MRPL15: variants seen among roughly 807,000 people sequenced by gnomAD.
MRPL15 encodes the protein large ribosomal subunit protein uL15m.
In MRPL15, 24 loss-of-function variants were observed where a neutral mutation model predicts 28.0. The observed-to-expected ratio is 0.86, with a 90% CI of 0.62 to 1.21. The LOEUF is 1.21. Ranked by LOEUF, MRPL15 falls within the 50% of genes most tolerant of loss-of-function variation. MRPL15 has a pLI of 0.00. For missense variants in MRPL15, 343 were observed against 372.4 expected (o/e 0.92, Z 0.65); for synonymous variants, 124 against 137.0 (o/e 0.90, Z 0.66).
Position 54,148,120 on chromosome 8 carries a change from C to G in MRPL15, c.*401C>G, listed in dbSNP as rs1037128868. 3.3e-5 allele frequency among the ~76,000 whole-genome samples: 5 copies of G among 152,114 alleles called. No individual in the cohort carries two copies. Among genetic ancestry groups the G allele is most frequent in the African/African-American group, 1.2e-4 (5 of 41,422 alleles). On this transcript the variant is annotated 3_prime_UTR_variant, in exon 5 of 5. Coordinates refer to ENST00000260102, the MANE Select transcript of MRPL15 (RefSeq NM_014175.4). ...AGAGCAGATGGAATGAGTTGGTGAC[C>G]CCTCTTAATCTGTAGCCTCAGGGAA...
Position 54,147,382 on chromosome 8 carries a change from A to G in MRPL15, c.554A>G (p.Asp185Gly). The G allele has an allele frequency of 1.3e-6, 2 of 1,592,542 alleles. No individual in the cohort carries two copies. Among genetic ancestry groups the G allele is most frequent in the Non-Finnish European group, 1.7e-6 (2 of 1,169,836 alleles). Reference protein sequence around the residue: ...TTAFYDPRSLDIVCKPVPFFL... With the variant: ...TTAFYDPRSLGIVCKPVPFFL... ...TTTTTAAATTTAAATTTTCTTTTAG[A>G]CATTGTATGCAAACCTGTTCCATTC... Residue 185 changes from aspartate to glycine, a missense_variant and splice_region_variant, in exon 5 of 5, where the codon GAC (aspartate) becomes GGC (glycine). By Grantham distance (94) the Asp-to-Gly change is moderately conservative. Coordinates refer to ENST00000260102, the MANE Select transcript of MRPL15 (RefSeq NM_014175.4).
chr8:54,145,543 C>T (rs1811029286), intron 4 of MRPL15, among the ~76,000 whole-genome samples: 1 of 151,810 alleles, frequency 6.6e-6, no homozygotes, highest in Non-Finnish European at 1.5e-5. Context: ...AGTGCAGTTC[C>T]ACTCACTGCA....
At chr8:54,138,104 G>A (rs1017780185) in intron 3 of MRPL15, among the ~76,000 whole-genome samples, 13 of 151,598 alleles carry the variant, frequency 8.6e-5, no homozygotes, top group East Asian at 3.9e-4. Flanking sequence ...ATAGTCGTGC[G>A]CCACCACACC....
intron 2 of MRPL15, 152 bp downstream of exon 2, chr8:54,136,817 T>A (rs1810834950): frequency 2.0e-6 from 2 of 986,488 alleles, no homozygotes; most frequent in East Asian, 5.3e-5. Context: ...GGTAATGAAA[T>A]CTTGCCTGGA....
At chr8:54,137,899 G>A (rs905452976) in intron 3 of MRPL15, among the ~76,000 whole-genome samples, 4 of 152,072 alleles carry the variant, frequency 2.6e-5, no homozygotes, top group African/African-American at 9.7e-5. Context: ...GCAGGGCTCT[G>A]TCCCTTGGTC....
intron 4 of MRPL15, 97 bp from the exon 5 acceptor site, chr8:54,147,285 T>C: frequency 1.1e-6 from 1 of 876,222 alleles, no homozygotes; most frequent in Non-Finnish European, 1.7e-6. Context: ...AACATCTCTA[T>C]GGTACAGAGT....
At position 54,141,081 on chromosome 8, in the gene MRPL15, C is replaced by A. The variant is rs16919762; in HGVS notation, c.430-1582C>A. On this transcript the variant is annotated intron_variant, in intron 3 of 4. Transcript: ENST00000260102. ...TCCACCTGCTCCAGCCTGCATATTCCCCTGTTTAACCTCCTGCTGGCCTCT... is the reference window on the plus strand; with the variant it reads ...TCCACCTGCTCCAGCCTGCATATTCACCTGTTTAACCTCCTGCTGGCCTCT... Among the ~76,000 whole-genome samples the A allele has an allele frequency of 3.6e-3, 551 of 152,238 alleles. 4 individuals are homozygous for A. The highest frequency in any genetic ancestry group is 0.013 in the African/African-American group (521 of 41,538).
chr8:54,142,436 G>A (rs565627811), intron 3 of MRPL15, among the ~76,000 whole-genome samples: 2 of 152,198 alleles, frequency 1.3e-5, no homozygotes, highest in African/African-American at 2.4e-5. Context: ...GATTACAGGC[G>A]TGAACCACTG....
At chr8:54,142,921 A>G in intron 4 of MRPL15, 135 bp downstream of exon 4, 1 of 1,267,582 alleles carries the variant, frequency 7.9e-7, no homozygotes. Context: ...CATATGGATT[A>G]TTATGATTTA....
At position 54,144,463 on chromosome 8, in the gene MRPL15, A is replaced by G. The variant is rs189044351; in HGVS notation, c.553+1677A>G. Among the ~76,000 whole-genome samples the G allele has an allele frequency of 6.9e-3, 1,051 of 152,226 alleles. 7 individuals carry two copies. The highest frequency in any genetic ancestry group is 0.01 in the Middle Eastern group (3 of 294). On this transcript the variant is annotated intron_variant, in intron 4 of 4. Transcript: ENST00000260102. ...TACCATTTCCTTTTTCCCATAATTG[A>G]AAGCTTTTTAAAAATATTCATCAAA...
intron 2 of MRPL15, 63 bp from the exon 3 acceptor site, chr8:54,137,205 A>T: frequency 6.7e-7 from 1 of 1,483,860 alleles, no homozygotes; most frequent in Non-Finnish European, 9.2e-7. Flanking sequence ...CAAAGCTTTG[A>T]GTTGATTTCG....
rs376894590 is a variant in MRPL15, at chr8:54,136,525, A to G, written c.123A>G (p.Arg41=). ...TTTCCTTGCAGGAGAGAAGACCAAG[A>G]GGTCGGAGAAGAGGTAGAAAATGTG... The part of the protein sequence containing the change: ...PGSKKPERRP[R]GRRRGRKCGR... The change falls in exon 2 of 5, where the codon AGA becomes AGG. Residue 41 remains arginine (R), a synonymous_variant. Transcript: ENST00000260102. 6.2e-6 allele frequency: 10 copies of G among 1,612,660 alleles called. No individual in the cohort carries two copies. The highest frequency in any genetic ancestry group is 7.6e-6 in the Non-Finnish European group (9 of 1,179,574).
chr8:54,140,574 C>CTTTTCTTT (rs1484112931), intron 3 of MRPL15, among the ~76,000 whole-genome samples: 2 of 99,576 alleles, frequency 2.0e-5, no homozygotes, highest in African/African-American at 3.6e-5. Flanking sequence ...ATTTTCTTTT[C>CTTTTCTTT]TTTTTTTTTT....
Position 54,136,549 on chromosome 8 carries a change from T to C in MRPL15, c.147T>C (p.Cys49=), listed in dbSNP as rs1470114816. 1.2e-6 allele frequency: 2 copies of C among 1,614,134 alleles called. No homozygotes were observed. Among genetic ancestry groups the C allele is most frequent in the Non-Finnish European group, 1.7e-6 (2 of 1,179,994 alleles). The change falls in exon 2 of 5, where the codon TGT becomes TGC. Residue 49 remains cysteine, a synonymous_variant. Coordinates refer to ENST00000260102, the MANE Select transcript of MRPL15 (RefSeq NM_014175.4). Reference sequence around the variant, plus strand: ...GAGGTCGGAGAAGAGGTAGAAAATGTGGCAGAGGCCATAAAGGAGAAAGGC... The same window carrying C: ...GAGGTCGGAGAAGAGGTAGAAAATGCGGCAGAGGCCATAAAGGAGAAAGGC... ...RPRGRRRGRK[C]GRGHKGERQR... is the part of the protein sequence containing the mutation.
intron 3 of MRPL15, among the ~76,000 whole-genome samples, chr8:54,140,582 T>TTTTTTTTTTTTC (rs1426607631): frequency 5.8e-5 from 8 of 138,736 alleles, no homozygotes. Flanking sequence ...TTCTTTTTTT[T>TTTTTTTTTTTTC]TTTTTTTTTG....
chr8:54,142,582 A>G, intron 3 of MRPL15, 81 bp from the exon 4 acceptor site: 2 of 1,520,568 alleles, frequency 1.3e-6, no homozygotes, highest in Non-Finnish European at 1.8e-6. Context: ...AGGGAAAAAC[A>G]CTGTCTAAAA....
At chr8:54,136,848 C>T (rs1810835294) in intron 2 of MRPL15, among the ~76,000 whole-genome samples, 183 bp downstream of exon 2, 1 of 152,066 alleles carries the variant, frequency 6.6e-6, no homozygotes, top group East Asian at 1.9e-4. Flanking sequence ...GAAAAGAGGC[C>T]CAGACACTGC....
intron 1 of MRPL15, among the ~76,000 whole-genome samples, chr8:54,135,910 C>G (rs912806455): frequency 2.6e-5 from 4 of 152,212 alleles, no homozygotes; most frequent in African/African-American, 9.6e-5. Context: ...GTCTTTGTGT[C>G]ATTCAAAATT....
Position 54,148,326 on chromosome 8 carries a change from C to A in MRPL15, c.*607C>A, listed in dbSNP as rs138433944. ...TCTCAATTCTGTGGTAGAAGTGTTA[C>A]AGGCAGGCCTTTGTTCTTAGAGCTC... is the stretch of plus-strand genomic sequence containing the variant. On this transcript the variant is annotated 3_prime_UTR_variant, in exon 5 of 5. Transcript: ENST00000260102. 4.0e-3 allele frequency among the ~76,000 whole-genome samples: 605 copies of A among 152,332 alleles called. 2 individuals are homozygous for A. Among genetic ancestry groups the A allele is most frequent in the African/African-American group, 0.011 (441 of 41,570 alleles).
Sources: allele counts gnomAD v4.1 joint callset (sites outside exome capture counted in the v4.1 genomes callset), GRCh38; gene constraint gnomAD v4.1.1; transcripts MANE v1.5; gene names NCBI Gene and HGNC (gene_info 2026-07-23, HGNC 2026-07-21).